ANKS3: variants seen among roughly 807,000 people sequenced by gnomAD.
ANKS3 encodes ankyrin repeat and sterile alpha motif domain containing 3, also known as ankyrin repeat and SAM domain-containing protein 3.
A neutral mutation model predicts 80.7 loss-of-function variants in ANKS3; 62 were observed. The observed-to-expected ratio is 0.77, with a 90% CI of 0.63 to 0.95. ANKS3 has a LOEUF of 0.95. Ranked by LOEUF, ANKS3 falls within the 40% of genes least tolerant of loss-of-function variation. The probability of loss-of-function intolerance (pLI) is 0.00; values close to 1 mark genes in which losing one functional copy is unlikely to be tolerated. For synonymous variants in ANKS3, 489 were observed against 355.3 expected, an observed-to-expected ratio of 1.38 and a Z score of -4.23; for missense variants, 1,150 against 883.6, an observed-to-expected ratio of 1.30 and a Z score of -3.82.
chr16:4,714,247 G>A (rs2080654966), intron 6 of ANKS3, 61 bp from the exon 7 acceptor site: 2 of 1,594,594 alleles, frequency 1.3e-6, no homozygotes. Flanking sequence ...CCCTTCCTGG[G>A]CTGCTGGCTG....
chr16:4,700,905 A>G (rs1405016327), intron 11 of ANKS3, 65 bp downstream of exon 11: 11 of 1,591,284 alleles, frequency 6.9e-6, no homozygotes, highest in East Asian at 2.2e-5. Context: ...TACACAACAC[A>G]TGCCTCCTAA....
At chr16:4,726,914 G>C (rs761169113) in intron 4 of ANKS3, 65 bp downstream of exon 4, 21 of 1,607,634 alleles carry the variant, frequency 1.3e-5, no homozygotes, top group Middle Eastern at 1.7e-4. Context: ...GCAGTGGTTC[G>C]CATCTCTGTC....
chr16:4,728,591 C>T (rs1055550160), intron 3 of ANKS3, among the ~76,000 whole-genome samples: 2 of 152,224 alleles, frequency 1.3e-5, no homozygotes, highest in East Asian at 1.9e-4. Flanking sequence ...TACCACTCCT[C>T]GTTCAGCCCC....
chr16:4,732,947 T>C (rs1031542939), intron 1 of ANKS3, among the ~76,000 whole-genome samples: 1 of 152,104 alleles, frequency 6.6e-6, no homozygotes, highest in Admixed American at 6.6e-5. Context: ...GAGATCGTTA[T>C]GTTTAGTGAA....
At chr16:4,698,372 G>A (rs1316851118) in intron 14 of ANKS3, 55 bp downstream of exon 14, 1 of 1,435,974 alleles carries the variant, frequency 7.0e-7, no homozygotes, top group Non-Finnish European at 9.1e-7. Context: ...GGGGGCCCAG[G>A]GGCCAGGTGG....
chr16:4,727,075 C>T lies in ANKS3; in HGVS notation c.273G>A (p.Ala91=), dbSNP rs754683663. The T allele has an allele frequency of 6.2e-6, 10 of 1,614,072 alleles. No individual in the cohort carries two copies. Among genetic ancestry groups the T allele is most frequent in the African/African-American group, 2.7e-5 (2 of 74,930 alleles). The change falls in exon 4 of 18, where the codon GCG becomes GCA. Residue 91 remains alanine, a synonymous_variant. Transcript: ENST00000304283. Reference sequence around the variant, plus strand: ...GGGTCGGCACATTCACACTCACCCCCGCCTCAAGCAGCAGGTGCACGATTG... The same window carrying T: ...GGGTCGGCACATTCACACTCACCCCTGCCTCAAGCAGCAGGTGCACGATTG... ...HDTIVHLLLE[A]GVSVNVPTPE... is the part of the protein sequence containing the mutation.
At chr16:4,731,025 T>C (rs2142173511) in intron 2 of ANKS3, among the ~76,000 whole-genome samples, 1 of 152,306 alleles carries the variant, frequency 6.6e-6, no homozygotes, top group East Asian at 1.9e-4. Context: ...CTACTCAGCA[T>C]TAAACACAAG....
chr16:4,697,044 T>C lies in ANKS3; in HGVS notation c.1955A>G (p.Lys652Arg), dbSNP rs769831087. The change falls in exon 17 of 18, where the codon AAG becomes AGG. Residue 652 changes from lysine to arginine, a missense_variant. Transcript: ENST00000304283. ...GCCCGCAGGCTAGGTCTCCCGCCAC[T>C]TCTTCCCGTTCAGCACCTGCAGCTT... is the stretch of plus-strand genomic sequence containing the variant. ...LEKLQVLNGK[K>R]WRET is the part of the protein sequence containing the mutation. 3.3e-5 allele frequency: 53 copies of C among 1,613,688 alleles called. No individual in the cohort carries two copies. Among genetic ancestry groups the C allele is most frequent in the Admixed American group, 1.7e-5 (1 of 59,984 alleles).
At chr16:4,721,328 G>A (rs1032769565) in intron 6 of ANKS3, among the ~76,000 whole-genome samples, 10 of 150,542 alleles carry the variant, frequency 6.6e-5, no homozygotes, top group South Asian at 2.1e-4. Flanking sequence ...AAAGAGAGGG[G>A]CTGGGTGCGT....
chr16:4,701,213 G>A (rs924060977), intron 10 of ANKS3, 79 bp from the exon 11 acceptor site: 7 of 1,589,808 alleles, frequency 4.4e-6, no homozygotes, highest in African/African-American at 2.7e-5. Context: ...CGCCACACAG[G>A]GGCTTGAGAG....
rs1596454122 is a variant in ANKS3, at chr16:4,726,854, G to A, written c.370-74C>T. Reference sequence around the variant, plus strand: ...GGGCGGGCGCCCTCCAGGCGGCCATGCTGCAAGAATCAGAAGTGATTACAC... The same window carrying A: ...GGGCGGGCGCCCTCCAGGCGGCCATACTGCAAGAATCAGAAGTGATTACAC... On this transcript the variant is annotated intron_variant, in intron 4 of 17. Coordinates refer to ENST00000304283, the MANE Select transcript of ANKS3 (RefSeq NM_133450.4). 12 of 1,597,250 alleles carry A rather than the reference G, an allele frequency of 7.5e-6. No homozygotes were observed. The East Asian group carries it at 2.7e-4, about 36-fold the overall frequency.
rs754095987 is a variant in ANKS3, at chr16:4,714,064, G to A, written c.696C>T (p.Leu232=). 2.5e-6 allele frequency: 4 copies of A among 1,614,066 alleles called. No individual in the cohort carries two copies. Among genetic ancestry groups the A allele is most frequent in the African/African-American group, 1.3e-5 (1 of 74,934 alleles). Residue 232 remains leucine (L), a synonymous_variant, in exon 7 of 18, where the codon CTC becomes CTT. Coordinates refer to ENST00000304283, the MANE Select transcript of ANKS3 (RefSeq NM_133450.4). ...DTYSPSLPKS[L]YRSPEKYEDL... is the part of the protein sequence containing the mutation. ...AGGTGTGGGTACCTGGGCTCCGATA[G>A]AGGCTCTTGGGCAGAGAGGGCGAGT...
chr16:4,717,747 C>T (rs933489677), intron 6 of ANKS3, among the ~76,000 whole-genome samples: 11 of 152,076 alleles, frequency 7.2e-5, no homozygotes, highest in Non-Finnish European at 1.2e-4. Context: ...CTCCCCAGCT[C>T]AAGTGATCCT....
chr16:4,720,373 A>C lies in ANKS3; in HGVS notation c.573+4377T>G, dbSNP rs559522724. ...GCTACTCGGGAGGCTGAGGCAGGAA[A>C]ATCGCTTGAACCTGGGAGGCAGAGG... On this transcript the variant is annotated intron_variant, in intron 6 of 17. Transcript: ENST00000304283. Among the ~76,000 whole-genome samples, 14 of 150,758 alleles carry C rather than the reference A, an allele frequency of 9.3e-5. No homozygotes were observed. The East Asian group carries it at 2.3e-3, about 25-fold the overall frequency.
chr16:4,697,354 C>T lies in ANKS3; in HGVS notation c.1873G>A (p.Glu625Lys), dbSNP rs769811665. The change falls in exon 16 of 18, where the codon GAG becomes AAG. Residue 625 changes from glutamate (E) to lysine (K), a missense_variant. Glu to Lys is a moderately conservative substitution (Grantham distance 56). Coordinates refer to ENST00000304283, the MANE Select transcript of ANKS3 (RefSeq NM_133450.4). ...MSLPELSGAL[E>K]DRVREMGQAL... ...TCACCCATCTCACGGACACGGTCCT[C>T]CAGGGCTCCCGAGAGCTCGGGGAGG... 2.3e-5 allele frequency: 37 copies of T among 1,609,390 alleles called. No individual in the cohort carries two copies. The highest frequency in any genetic ancestry group is 3.1e-5 in the Non-Finnish European group (37 of 1,177,494).
At chr16:4,712,990 C>T (rs1273880447) in intron 7 of ANKS3, among the ~76,000 whole-genome samples, 1 of 152,194 alleles carries the variant, frequency 6.6e-6, no homozygotes, top group East Asian at 1.9e-4. Context: ...GTTTGCAGGG[C>T]TGAGTGCAGT....
rs778168748 is a variant in ANKS3 at position 4,698,816 on chromosome 16, G to A, written c.1535C>T (p.Ala512Val). The change falls in exon 13 of 18, where the codon GCC (alanine) becomes GTC (valine). Residue 512 changes from alanine to valine, a missense_variant. Coordinates refer to ENST00000304283, the MANE Select transcript of ANKS3 (RefSeq NM_133450.4). ...DRLEAEMQEL[A>V]IQLHKRCEEV... ...GCCACTCACCTTGTGCAGCTGGATG[G>A]CGAGCTCCTGCATCTCAGCCTCCAG... The A allele has an allele frequency of 9.3e-6, 15 of 1,606,688 alleles. No individual in the cohort carries two copies. The highest frequency in any genetic ancestry group is 1.7e-5 in the Admixed American group (1 of 59,442).
At chr16:4,715,288 AT>A (rs1417574660) in intron 6 of ANKS3, among the ~76,000 whole-genome samples, 1 of 152,186 alleles carries the variant, frequency 6.6e-6, no homozygotes, top group Non-Finnish European at 1.5e-5. Context: ...AGAAAAAAAA[AT>A]AAACTATAAT....
At chr16:4,708,991 C>T (rs979748501) in intron 7 of ANKS3, among the ~76,000 whole-genome samples, 3 of 151,268 alleles carry the variant, frequency 2.0e-5, no homozygotes, top group Non-Finnish European at 4.4e-5. Flanking sequence ...TGAGGCCGGG[C>T]GCAGTGGCTC....
Sources: allele counts gnomAD v4.1 joint callset (sites outside exome capture counted in the v4.1 genomes callset), GRCh38; gene constraint gnomAD v4.1.1; transcripts MANE v1.5; gene names NCBI Gene and HGNC (gene_info 2026-07-23, HGNC 2026-07-21).